SUGCT: variants seen among roughly 807,000 people sequenced by gnomAD.
The protein encoded by SUGCT is succinyl-CoA:glutarate-CoA transferase.
Under a neutral mutation model 55.0 loss-of-function variants are expected in SUGCT, and 41 were observed. That is an observed-to-expected ratio of 0.74 (90% CI 0.58 to 0.97). The LOEUF (loss-of-function observed/expected upper bound fraction) is 0.97. SUGCT is among the 50% of genes least tolerant of loss of function. The pLI, the probability that SUGCT is intolerant of heterozygous loss-of-function variation, is 0.00. For synonymous variants in SUGCT, 187 were observed against 200.4 expected, an observed-to-expected ratio of 0.93 and a Z score of 0.56; for missense variants, 568 against 547.8, an observed-to-expected ratio of 1.04 and a Z score of -0.37.
At chr7:40,603,591 T>C (rs987442409) in intron 12 of SUGCT, among the ~76,000 whole-genome samples, 3 of 152,112 alleles carry the variant, frequency 2.0e-5, no homozygotes, top group African/African-American at 7.2e-5. Context: ...TTATTCTGGA[T>C]TTAGATGGTT....
intron 9 of SUGCT, among the ~76,000 whole-genome samples, chr7:40,420,405 T>A (rs553666328): frequency 6.6e-6 from 1 of 152,248 alleles, no homozygotes; most frequent in East Asian, 1.9e-4. Flanking sequence ...TTGGTGTGAT[T>A]TGGGCTCACT....
At chr7:40,469,721 G>GTT (rs11369335) in intron 11 of SUGCT, among the ~76,000 whole-genome samples, 305 of 149,516 alleles carry the variant, frequency 2.0e-3, no homozygotes, top group African/African-American at 4.8e-3. Flanking sequence ...TGTCATCTCA[G>GTT]TTTTTTTTTT....
the SUGCT span, among the ~76,000 whole-genome samples, chr7:40,947,338 G>A: frequency 8.6e-5 from 13 of 151,984 alleles, no homozygotes; most frequent in Non-Finnish European, 1.6e-4. Context: ...AATTGATGAG[G>A]CATTATTTCC....
chr7:40,571,885 A>G (rs1021400061), intron 12 of SUGCT, among the ~76,000 whole-genome samples: 4 of 152,218 alleles, frequency 2.6e-5, no homozygotes, highest in Admixed American at 2.6e-4. Context: ...TTACATAGAA[A>G]TGAAATTGTT....
chr7:40,500,056 G>A (rs1792196058), intron 12 of SUGCT, among the ~76,000 whole-genome samples: 1 of 152,102 alleles, frequency 6.6e-6, no homozygotes, highest in Non-Finnish European at 1.5e-5. Flanking sequence ...TGTCTACGTT[G>A]AGAATGAAAA....
the SUGCT span, among the ~76,000 whole-genome samples, chr7:41,034,740 C>T: frequency 6.6e-6 from 1 of 152,166 alleles, no homozygotes; most frequent in Non-Finnish European, 1.5e-5. Flanking sequence ...TTCTTCCTTC[C>T]TTCAGTCTGC....
intron 12 of SUGCT, among the ~76,000 whole-genome samples, chr7:40,709,806 G>T (rs1320740664): frequency 1.3e-5 from 2 of 152,136 alleles, no homozygotes; most frequent in African/African-American, 2.4e-5. Flanking sequence ...TCACTTGGAG[G>T]GTGACTTAAA....
At chr7:40,570,850 CTTTTTT>C (rs776733346) in intron 12 of SUGCT, among the ~76,000 whole-genome samples, 3 of 52,264 alleles carry the variant, frequency 5.7e-5, no homozygotes, top group African/African-American at 2.6e-4. Flanking sequence ...GCTTTAGGCT[CTTTTTT>C]TTTTTTTTTT....
intron 12 of SUGCT, among the ~76,000 whole-genome samples, chr7:40,687,656 A>G (rs1784522059): frequency 6.6e-6 from 1 of 152,174 alleles, no homozygotes; most frequent in Admixed American, 6.5e-5. Context: ...CACAAACACC[A>G]TACCGTTATA....
At chr7:41,035,518 T>A in the SUGCT span, among the ~76,000 whole-genome samples, 4 of 152,194 alleles carry the variant, frequency 2.6e-5, no homozygotes, top group African/African-American at 9.7e-5. Context: ...CTCTATACTC[T>A]CACCTTTACC....
At chr7:40,550,637 G>T (rs2151639319) in intron 12 of SUGCT, among the ~76,000 whole-genome samples, 1 of 152,274 alleles carries the variant, frequency 6.6e-6, no homozygotes, top group South Asian at 2.1e-4. Flanking sequence ...ATATGCTATG[G>T]CAAAAGCATT....
chr7:40,755,819 A>G (rs1002977159), intron 13 of SUGCT, among the ~76,000 whole-genome samples: 3 of 152,218 alleles, frequency 2.0e-5, no homozygotes, highest in Admixed American at 6.5e-5. Flanking sequence ...GCAGTCTTCT[A>G]TACATGCAAA....
chr7:40,179,767 C>T (rs1457094428), intron 1 of SUGCT, among the ~76,000 whole-genome samples: 1 of 152,230 alleles, frequency 6.6e-6, no homozygotes, highest in Admixed American at 6.5e-5. Flanking sequence ...TGTGCTTCTT[C>T]ACATGAAGAT....
intron 13 of SUGCT, among the ~76,000 whole-genome samples, chr7:40,757,875 C>T (rs1788336193): frequency 6.6e-6 from 1 of 152,140 alleles, no homozygotes; most frequent in South Asian, 2.1e-4. Flanking sequence ...CTGCAGCCAA[C>T]CTTCACTGAG....
At chr7:40,280,971 G>GACTTC (rs1792913087) in intron 8 of SUGCT, among the ~76,000 whole-genome samples, 1 of 152,114 alleles carries the variant, frequency 6.6e-6, no homozygotes, top group African/African-American at 2.4e-5. Context: ...GGCCCATTAT[G>GACTTC]ACTTCCGTGG....
intron 13 of SUGCT, among the ~76,000 whole-genome samples, chr7:40,815,804 G>A (rs1003912965): frequency 1.3e-5 from 2 of 152,044 alleles, no homozygotes; most frequent in Admixed American, 1.3e-4. Context: ...GCTGATACAG[G>A]TGAGTGGGTG....
At chr7:40,909,613 G>A in the SUGCT span, among the ~76,000 whole-genome samples, 6 of 152,222 alleles carry the variant, frequency 3.9e-5, no homozygotes, top group Middle Eastern at 3.4e-3. Context: ...CACTAACGAC[G>A]GCCTTTGCTT....
intron 12 of SUGCT, among the ~76,000 whole-genome samples, chr7:40,521,165 G>T (rs924316449): frequency 6.6e-6 from 1 of 152,106 alleles, no homozygotes; most frequent in Non-Finnish European, 1.5e-5. Context: ...GGGGCCTGGT[G>T]GGAGGTGATT....
At chr7:40,354,706 T>C (rs1349168605) in intron 9 of SUGCT, among the ~76,000 whole-genome samples, 2 of 152,192 alleles carry the variant, frequency 1.3e-5, no homozygotes, top group African/African-American at 4.8e-5. Flanking sequence ...ATGAATATTA[T>C]GTGCTAATGC....
Sources: allele counts gnomAD v4.1 joint callset (sites outside exome capture counted in the v4.1 genomes callset), GRCh38; gene constraint gnomAD v4.1.1; transcripts MANE v1.5; gene names NCBI Gene and HGNC (gene_info 2026-07-23, HGNC 2026-07-21).